CTNNA3: variants seen among roughly 807,000 people sequenced by gnomAD.
CTNNA3 encodes the protein catenin alpha-3.
A neutral mutation model predicts 95.7 loss-of-function variants in CTNNA3; 76 were observed. That is an observed-to-expected ratio of 0.79 (90% CI 0.66 to 0.96). CTNNA3 has a LOEUF of 0.96. Ranked by LOEUF, CTNNA3 falls within the 40% of genes least tolerant of loss-of-function variation. CTNNA3 has a pLI of 0.00. For missense variants in CTNNA3, 1,191 were observed against 1,089.8 expected, an observed-to-expected ratio of 1.09 and a Z score of -1.31; for synonymous variants, 431 against 374.4, an observed-to-expected ratio of 1.15 and a Z score of -1.74.
At chr10:66,590,383 C>T (rs568555187) in intron 10 of CTNNA3, among the ~76,000 whole-genome samples, 3 of 152,038 alleles carry the variant, frequency 2.0e-5, no homozygotes, top group Non-Finnish European at 4.4e-5. Context: ...ATCACCCGTA[C>T]CAGACAACTG....
chr10:66,069,247 AC>A, intron 15 of CTNNA3, 60 bp downstream of exon 15: 3 of 1,505,632 alleles, frequency 2.0e-6, no homozygotes, highest in Non-Finnish European at 2.8e-6. Context: ...TTGAGGTTTC[AC>A]TAATATGACT....
chr10:66,889,421 C>A (rs1469656894), intron 7 of CTNNA3, among the ~76,000 whole-genome samples: 1 of 152,092 alleles, frequency 6.6e-6, no homozygotes, highest in East Asian at 1.9e-4. Flanking sequence ...AACAAGTGTA[C>A]CACTCTGGTA....
chr10:66,822,969 G>C (rs959313456), intron 7 of CTNNA3, among the ~76,000 whole-genome samples: 3 of 152,188 alleles, frequency 2.0e-5, no homozygotes, highest in Non-Finnish European at 1.5e-5. Context: ...GGAAGTAACA[G>C]ACAGAACAAG....
chr10:66,912,503 A>T (rs145140750), intron 7 of CTNNA3, among the ~76,000 whole-genome samples: 349 of 152,264 alleles, frequency 2.3e-3, no homozygotes, highest in African/African-American at 7.9e-3. Context: ...AAAATTAAAC[A>T]CCTGTAAGAT....
rs960451550 is a variant in CTNNA3 at position 67,020,049 on chromosome 10, T to C, written c.1047+160268A>G. ...TCCCTCACTGTGTCAAGAAGTACAG[T>C]AGTTTAGATTCTACCAAGGTCACCT... On this transcript the variant is annotated intron_variant, in intron 7 of 17. Coordinates refer to ENST00000433211, the MANE Select transcript of CTNNA3 (RefSeq NM_013266.4). Among the ~76,000 whole-genome samples the C allele has an allele frequency of 4.1e-5, 6 of 147,204 alleles. No homozygotes were observed. The South Asian group carries it at 6.6e-4, about 16-fold the overall frequency.
chr10:66,674,572 A>G (rs999081882), intron 9 of CTNNA3, among the ~76,000 whole-genome samples: 1 of 151,562 alleles, frequency 6.6e-6, no homozygotes, highest in African/African-American at 2.4e-5. Flanking sequence ...TTACAGAGTG[A>G]AGAAAAAAAA....
intron 9 of CTNNA3, among the ~76,000 whole-genome samples, chr10:66,659,733 AGT>A (rs1200571770): frequency 6.6e-6 from 1 of 152,150 alleles, no homozygotes; most frequent in African/African-American, 2.4e-5. Flanking sequence ...GTGAGGACAC[AGT>A]TAGAAAGTAT....
chr10:66,013,064 C>A (rs557732417), intron 15 of CTNNA3, among the ~76,000 whole-genome samples: 1 of 152,134 alleles, frequency 6.6e-6, no homozygotes, highest in African/African-American at 2.4e-5. Flanking sequence ...TGACACCTGG[C>A]TAATTTTTGT....
rs1156937549 is a variant in CTNNA3 at position 67,112,047 on chromosome 10, A to G, written c.1047+68270T>C. ...TGTCAGAAATGAGGCATGAAAAGCT[A>G]TTAAATGAATCATTCACACGTTGAA... On this transcript the variant is annotated intron_variant, in intron 7 of 17. Coordinates refer to ENST00000433211, the MANE Select transcript of CTNNA3 (RefSeq NM_013266.4). 2.0e-5 allele frequency among the ~76,000 whole-genome samples: 3 copies of G among 152,158 alleles called. No individual in the cohort carries two copies. In the East Asian group the frequency reaches 5.8e-4, roughly 29 times the overall value.
At chr10:67,658,111 G>A (rs190483675) in intron 1 of CTNNA3, among the ~76,000 whole-genome samples, 1 of 152,302 alleles carries the variant, frequency 6.6e-6, no homozygotes, top group African/African-American at 2.4e-5. Context: ...TTGGGCCTCA[G>A]TGATTATCAG....
rs1564660686 is a variant in CTNNA3, at chr10:66,115,582, T to TAG, written c.1885-12335_1885-12334dup. Among the ~76,000 whole-genome samples, 63 of 130,104 alleles carry TAG rather than the reference T, an allele frequency of 4.8e-4. No homozygotes were observed. In the South Asian group the frequency reaches 5.4e-3, roughly 11 times the overall value. The allele number at this position is 130,104 out of a possible 152,430, so 85.4% of individuals were successfully genotyped here. A position where few individuals can be genotyped will look rare whatever the true frequency, so the allele number is the denominator to read the frequency against. ...GATAGATAGATAGACAGATAGATGA[T>TAG]AGATAGATAGAGATAGAGATAGAGA... On this transcript the variant is annotated intron_variant, in intron 13 of 17. Coordinates refer to ENST00000433211, the MANE Select transcript of CTNNA3 (RefSeq NM_013266.4).
Position 67,543,847 on chromosome 10 carries a change from G to A in CTNNA3, c.293-4178C>T, listed in dbSNP as rs368218643. The stretch of plus-strand genomic sequence containing the variant: ...TGAATTTGAAAACTCTGAAGAGGTA[G>A]AAGCTTGAATTTAACTTTTTAGCAG... On this transcript the variant is annotated intron_variant, in intron 3 of 17. Transcript: ENST00000433211. 2.0e-5 allele frequency among the ~76,000 whole-genome samples: 3 copies of A among 152,158 alleles called. No individual in the cohort carries two copies. The East Asian group carries it at 5.8e-4, about 29-fold the overall frequency.
At chr10:67,166,963 C>T (rs1419910600) in intron 7 of CTNNA3, among the ~76,000 whole-genome samples, 2 of 151,940 alleles carry the variant, frequency 1.3e-5, no homozygotes, top group East Asian at 1.9e-4. Context: ...AAAAATTAGC[C>T]GGGTGTGGTG....
intron 12 of CTNNA3, among the ~76,000 whole-genome samples, chr10:66,375,139 G>C (rs2092786336): frequency 6.6e-6 from 1 of 151,752 alleles, no homozygotes. Context: ...TTTAAAAAGA[G>C]AGTGATGGCA....
chr10:67,372,519 T>C (rs1317559851), intron 5 of CTNNA3, among the ~76,000 whole-genome samples: 12 of 152,094 alleles, frequency 7.9e-5, no homozygotes, highest in African/African-American at 2.2e-4. Flanking sequence ...CTGAAAGTGA[T>C]AGGGAGAATG....
intron 3 of CTNNA3, among the ~76,000 whole-genome samples, chr10:67,559,923 G>A (rs1341682802): frequency 1.3e-5 from 2 of 152,088 alleles, no homozygotes; most frequent in African/African-American, 4.8e-5. Flanking sequence ...GAAGCGAGAA[G>A]GGAAGTTTAG....
intron 16 of CTNNA3, among the ~76,000 whole-genome samples, chr10:65,976,694 C>T (rs1020328000): frequency 1.3e-5 from 2 of 152,132 alleles, no homozygotes; most frequent in Non-Finnish European, 2.9e-5. Flanking sequence ...GTCAGTTTTG[C>T]TCACTTAGAA....
chr10:65,954,680 A>G (rs2077693354), intron 17 of CTNNA3, among the ~76,000 whole-genome samples: 2 of 152,150 alleles, frequency 1.3e-5, no homozygotes, highest in Admixed American at 6.5e-5. Flanking sequence ...CAGAATTGTC[A>G]AAGATCAGAT....
chr10:67,418,918 T>A (rs1845641208), intron 5 of CTNNA3, among the ~76,000 whole-genome samples: 1 of 152,204 alleles, frequency 6.6e-6, no homozygotes, highest in Non-Finnish European at 1.5e-5. Context: ...TCAATTGAAC[T>A]ATTTCACAAT....
Sources: gnomAD v4.1 joint callset for allele counts (sites outside exome capture counted in the v4.1 genomes callset) on GRCh38, gnomAD v4.1.1 for gene constraint, MANE v1.5 for transcripts, NCBI Gene and HGNC (gene_info 2026-07-23, HGNC 2026-07-21) for gene names.